GAS2: variants seen among roughly 807,000 people sequenced by gnomAD.
GAS2 encodes growth arrest-specific protein 2.
GAS2 carries 20 observed loss-of-function variants against 37.5 expected under a neutral mutation model. The observed-to-expected ratio is 0.53, with a 90% CI of 0.37 to 0.77. GAS2 has a LOEUF of 0.77. Ranked by LOEUF, GAS2 falls within the 30% of genes least tolerant of loss-of-function variation. The probability of loss-of-function intolerance (pLI) is 0.00; values close to 1 mark genes in which losing one functional copy is unlikely to be tolerated. For synonymous variants in GAS2, 144 were observed against 132.2 expected (o/e 1.09, Z -0.61); for missense variants, 336 against 373.4 (o/e 0.90, Z 0.82).
chr11:22,720,888 G>A (rs79107618), intron 3 of GAS2, among the ~76,000 whole-genome samples: 2,116 of 152,134 alleles, frequency 0.014, 42 homozygotes, highest in African/African-American at 0.048. Flanking sequence ...CTTCACTTGA[G>A]TAGGTGAAAG....
intron 1 of GAS2, among the ~76,000 whole-genome samples, chr11:22,627,090 G>T (rs1027850441): frequency 6.6e-6 from 1 of 152,142 alleles, no homozygotes; most frequent in African/African-American, 2.4e-5. Context: ...ACCGCGCCCG[G>T]CTATTATTTG....
chr11:22,677,147 A>G (rs1448564911), intron 2 of GAS2, among the ~76,000 whole-genome samples: 1 of 152,164 alleles, frequency 6.6e-6, no homozygotes, highest in Non-Finnish European at 1.5e-5. Flanking sequence ...TATAAACACT[A>G]AAAGATACAA....
At chr11:22,675,157 G>T in intron 2 of GAS2, 143 bp downstream of exon 2, 1 of 800,652 alleles carries the variant, frequency 1.2e-6, no homozygotes, top group Non-Finnish European at 1.9e-6. Context: ...TGGGAAACCT[G>T]AAGCAGGTGG....
intron 3 of GAS2, among the ~76,000 whole-genome samples, chr11:22,687,757 A>G (rs1204595437): frequency 1.3e-5 from 2 of 152,206 alleles, no homozygotes; most frequent in African/African-American, 2.4e-5. Context: ...AAAAAATATA[A>G]TGCCGATAAG....
intron 7 of GAS2, among the ~76,000 whole-genome samples, chr11:22,770,595 A>C (rs1434401053): frequency 6.6e-6 from 1 of 152,348 alleles, no homozygotes; most frequent in Non-Finnish European, 1.5e-5. Context: ...TCAGCAAAAA[A>C]TATTTCCTTA....
intron 1 of GAS2, among the ~76,000 whole-genome samples, chr11:22,644,658 T>C (rs1848668148): frequency 6.8e-6 from 1 of 147,460 alleles, no homozygotes. Flanking sequence ...TCTTGCTTTG[T>C]CACCCAGGCT....
chr11:22,792,407 G>GA (rs1190015609), intron 7 of GAS2, among the ~76,000 whole-genome samples: 2 of 152,074 alleles, frequency 1.3e-5, no homozygotes, highest in Non-Finnish European at 2.9e-5. Context: ...GAAATCATGA[G>GA]AAAAATTATA....
Position 22,686,690 on chromosome 11 carries a change from C to T in GAS2, c.267+901C>T, listed in dbSNP as rs539939593. On this transcript the variant is annotated intron_variant, in intron 3 of 7. Transcript: ENST00000454584. ...GCTTGAACCCAGGAAGTAAAGGTTG[C>T]GGTGAGCAGAGATCACGCCATTGCA... Among the ~76,000 whole-genome samples the T allele has an allele frequency of 2.7e-5, 4 of 150,098 alleles. No homozygotes were observed. The South Asian group carries it at 6.3e-4, about 24-fold the overall frequency.
Position 22,812,265 on chromosome 11 carries a change from A to T in GAS2, c.*249A>T. 2.3e-6 allele frequency: 1 copy of T among 436,146 alleles called. No individual in the cohort carries two copies. The allele number at this position is 436,146 out of a possible 1,614,324, so 27.0% of individuals were successfully genotyped here. ...TTTAGGCAAATTATTATTTCTCAAT[A>T]TGCGAACACAGTATTTAGAACACAA... is the stretch of plus-strand genomic sequence containing the variant. On this transcript the variant is annotated 3_prime_UTR_variant, in exon 8 of 8. Coordinates refer to ENST00000454584, the MANE Select transcript of GAS2 (RefSeq NM_001143830.3).
chr11:22,775,691 C>T (rs549964007), intron 7 of GAS2, among the ~76,000 whole-genome samples: 5 of 151,892 alleles, frequency 3.3e-5, no homozygotes, highest in African/African-American at 1.2e-4. Context: ...AAAAAACCTC[C>T]GGGTAATATC....
At chr11:22,704,588 C>CATATATATATATAT (rs3049395) in intron 3 of GAS2, among the ~76,000 whole-genome samples, 2,377 of 90,220 alleles carry the variant, frequency 0.026, 95 homozygotes, top group African/African-American at 0.04. Context: ...TGAAAATAAA[C>CATATATATATATAT]ATATATATAT....
intron 7 of GAS2, among the ~76,000 whole-genome samples, chr11:22,791,324 C>T (rs1057478305): frequency 6.6e-6 from 1 of 152,144 alleles, no homozygotes; most frequent in Admixed American, 6.5e-5. Flanking sequence ...GTGCTGACAT[C>T]AGACATCAGA....
chr11:22,695,775 T>A (rs866747585), intron 3 of GAS2, among the ~76,000 whole-genome samples: 9 of 152,106 alleles, frequency 5.9e-5, no homozygotes, highest in Non-Finnish European at 4.4e-5. Flanking sequence ...AAATTTGAAA[T>A]AAAGAAAAAA....
intron 6 of GAS2, among the ~76,000 whole-genome samples, chr11:22,750,748 A>G (rs1193617920): frequency 6.6e-6 from 1 of 151,918 alleles, no homozygotes; most frequent in African/African-American, 2.4e-5. Context: ...TATTAGACTT[A>G]CTTTAGGGTA....
intron 3 of GAS2, among the ~76,000 whole-genome samples, chr11:22,709,829 C>T (rs370008310): frequency 3.8e-4 from 58 of 152,000 alleles, no homozygotes; most frequent in South Asian, 1.2e-3. Context: ...TACTATGCAG[C>T]GGTAAAAAAT....
At chr11:22,655,690 A>G (rs996680289) in intron 1 of GAS2, among the ~76,000 whole-genome samples, 2 of 152,218 alleles carry the variant, frequency 1.3e-5, no homozygotes, top group Admixed American at 1.3e-4. Flanking sequence ...ATCTGCCTCA[A>G]TGAAAAAAAT....
intron 7 of GAS2, among the ~76,000 whole-genome samples, chr11:22,758,633 G>A (rs1854182280): frequency 6.6e-6 from 1 of 152,092 alleles, no homozygotes; most frequent in Non-Finnish European, 1.5e-5. Context: ...TCATAGATAC[G>A]CCAGGCACAG....
rs1428789664 is a variant in GAS2, at chr11:22,778,205, A to G, written c.723+22252A>G. Among the ~76,000 whole-genome samples the G allele has an allele frequency of 2.0e-5, 3 of 152,330 alleles. No individual in the cohort carries two copies. The East Asian group carries it at 5.8e-4, about 29-fold the overall frequency. The stretch of plus-strand genomic sequence containing the variant: ...GTCCACTTGCTATATAACCTTGATC[A>G]AGTTATTTAAAATCTCTGTGACTCA... On this transcript the variant is annotated intron_variant, in intron 7 of 7. Transcript: ENST00000454584.
intron 4 of GAS2, among the ~76,000 whole-genome samples, chr11:22,734,327 T>C (rs904043368): frequency 3.3e-5 from 5 of 151,770 alleles, no homozygotes; most frequent in Non-Finnish European, 7.4e-5. Context: ...ATATCTACTT[T>C]ATATCTTTAC....
Sources: allele counts gnomAD v4.1 joint callset (sites outside exome capture counted in the v4.1 genomes callset), GRCh38; gene constraint gnomAD v4.1.1; transcripts MANE v1.5; gene names NCBI Gene and HGNC (gene_info 2026-07-23, HGNC 2026-07-21).